PKD1L1: variants seen among roughly 807,000 people sequenced by gnomAD.
PKD1L1 encodes the protein polycystin 1 like 1, transient receptor potential channel interacting.
Under a neutral mutation model 323.4 loss-of-function variants are expected in PKD1L1, and 236 were observed. The observed-to-expected ratio is 0.73, with a 90% CI of 0.66 to 0.81. The LOEUF is 0.81. Among genes scored for constraint, PKD1L1 ranks in the 40% least tolerant of loss-of-function variants. The probability of loss-of-function intolerance (pLI) is 0.00; values close to 1 mark genes in which losing one functional copy is unlikely to be tolerated. For synonymous variants in PKD1L1, 1,344 were observed against 1,335.0 expected, an observed-to-expected ratio of 1.01 and a Z score of -0.15; for missense variants, 3,320 against 3,508.0, an observed-to-expected ratio of 0.95 and a Z score of 1.35.
At chr7:47,777,037 A>T (rs960335405) in intron 56 of PKD1L1, among the ~76,000 whole-genome samples, 1 of 152,104 alleles carries the variant, frequency 6.6e-6, no homozygotes, top group African/African-American at 2.4e-5. Flanking sequence ...GATTACAAGC[A>T]TGCGCCACCA....
the PKD1L1 span, among the ~76,000 whole-genome samples, chr7:47,955,549 T>G: frequency 6.6e-6 from 1 of 152,268 alleles, no homozygotes; most frequent in Non-Finnish European, 1.5e-5. Context: ...TTTTTAACTA[T>G]AAGTCATACA....
At chr7:47,819,659 A>C in intron 46 of PKD1L1, 1 of 1,096,186 alleles carries the variant, frequency 9.1e-7, no homozygotes, top group Non-Finnish European at 1.2e-6. Flanking sequence ...AAAAAACAAA[A>C]CAACTTGGAT....
chr7:47,906,402 C>G (rs998762015), intron 9 of PKD1L1, among the ~76,000 whole-genome samples: 10 of 152,120 alleles, frequency 6.6e-5, no homozygotes, highest in African/African-American at 2.4e-4. Context: ...TGTACACACA[C>G]CATACACATA....
intron 17 of PKD1L1, among the ~76,000 whole-genome samples, chr7:47,886,571 T>C (rs1786690051): frequency 6.6e-6 from 1 of 152,160 alleles, no homozygotes; most frequent in South Asian, 2.1e-4. Flanking sequence ...CCCTCCTCGC[T>C]GTAATGAGTG....
At chr7:47,943,936 C>A (rs1167352760) in intron 1 of PKD1L1, among the ~76,000 whole-genome samples, 1 of 152,176 alleles carries the variant, frequency 6.6e-6, no homozygotes, top group Non-Finnish European at 1.5e-5. Flanking sequence ...TCTTCCAGCC[C>A]ATGGGGATCT....
chr7:47,920,919 G>C (rs1787521609), intron 7 of PKD1L1, among the ~76,000 whole-genome samples: 1 of 152,110 alleles, frequency 6.6e-6, no homozygotes, highest in African/African-American at 2.4e-5. Flanking sequence ...TTAAATCTAA[G>C]ACCTGAAACT....
At chr7:47,893,525 G>A (rs1280740418) in intron 15 of PKD1L1, among the ~76,000 whole-genome samples, 1 of 152,104 alleles carries the variant, frequency 6.6e-6, no homozygotes, top group Non-Finnish European at 1.5e-5. Context: ...TGAACTGGGG[G>A]CAGCCTCCAG....
intron 8 of PKD1L1, among the ~76,000 whole-genome samples, chr7:47,909,309 C>G (rs559309500): frequency 2.5e-4 from 38 of 152,270 alleles, no homozygotes; most frequent in African/African-American, 8.9e-4. Flanking sequence ...TGAGCTGGTT[C>G]CCATCACTCA....
intron 8 of PKD1L1, among the ~76,000 whole-genome samples, chr7:47,911,166 G>T (rs1264488989): frequency 6.6e-6 from 1 of 152,140 alleles, no homozygotes; most frequent in African/African-American, 2.4e-5. Flanking sequence ...TCCTTTGGTG[G>T]TGTCCTTGCG....
At chr7:47,853,546 C>T (rs1451389582) in intron 30 of PKD1L1, among the ~76,000 whole-genome samples, 2 of 151,988 alleles carry the variant, frequency 1.3e-5, no homozygotes, top group East Asian at 3.9e-4. Context: ...AGTTTGAGAC[C>T]AGCCTGACCA....
rs1437761589 is a variant in PKD1L1 at position 47,936,754 on chromosome 7, G to A, written c.398+92C>T. The A allele has an allele frequency of 4.1e-6, 4 of 982,556 alleles. No homozygotes were observed. The East Asian group carries it at 9.7e-5, about 24-fold the overall frequency. 60.9% of individuals were successfully genotyped at this position (982,556 alleles called of 1,614,324 possible). A position where few individuals can be genotyped will look rare whatever the true frequency, so the allele number is the denominator to read the frequency against. ...CCACCCTCGGGCCATGTAGGAACAAGCATCGACTTTCACATCTGAGCAATT... is the reference window on the plus strand; with the variant it reads ...CCACCCTCGGGCCATGTAGGAACAAACATCGACTTTCACATCTGAGCAATT... On this transcript the variant is annotated intron_variant, in intron 4 of 56. Transcript: ENST00000289672.
intron 10 of PKD1L1, 112 bp from the exon 11 acceptor site, chr7:47,905,437 G>A: frequency 8.2e-7 from 1 of 1,221,496 alleles, no homozygotes; most frequent in East Asian, 2.3e-5. Flanking sequence ...TGATGGTGAG[G>A]AAGCTCTGAT....
At chr7:47,957,863 A>ATATATATATATATG in the PKD1L1 span, among the ~76,000 whole-genome samples, 4 of 133,768 alleles carry the variant, frequency 3.0e-5, no homozygotes, top group Non-Finnish European at 6.7e-5. Context: ...TTAAAAAAAA[A>ATATATATATATATG]TATATATATA....
intron 4 of PKD1L1, among the ~76,000 whole-genome samples, chr7:47,934,163 G>C (rs1456915173): frequency 2.0e-5 from 3 of 152,236 alleles, no homozygotes. Context: ...GCATCAGCCT[G>C]TGTGCCCGCA....
intron 55 of PKD1L1, among the ~76,000 whole-genome samples, chr7:47,794,191 T>C (rs1787019216): frequency 6.6e-6 from 1 of 152,188 alleles, no homozygotes; most frequent in African/African-American, 2.4e-5. Context: ...AGCAGCCTAA[T>C]GTTAATCCCC....
chr7:47,909,083 T>C (rs1412269732), intron 8 of PKD1L1, among the ~76,000 whole-genome samples: 1 of 152,192 alleles, frequency 6.6e-6, no homozygotes, highest in Admixed American at 6.5e-5. Flanking sequence ...AGGTTATGTT[T>C]TAAGGCACTA....
chr7:47,923,493 C>A (rs1298247816), intron 7 of PKD1L1, among the ~76,000 whole-genome samples: 1 of 151,844 alleles, frequency 6.6e-6, no homozygotes. Context: ...GAAGAACTTA[C>A]TCATGTAACC....
chr7:47,940,329 A>C lies in PKD1L1; in HGVS notation c.161-12T>G. 3.1e-6 allele frequency: 5 copies of C among 1,605,356 alleles called. No homozygotes were observed. The highest frequency in any genetic ancestry group is 2.6e-6 in the Non-Finnish European group (3 of 1,176,028). On this transcript the variant is annotated splice_polypyrimidine_tract_variant and intron_variant, in intron 2 of 56. Coordinates refer to ENST00000289672, the MANE Select transcript of PKD1L1 (RefSeq NM_138295.5). ...ATTAGCATAGACCTCTAGAGAAAAA[A>C]AAAAAAGCAAACATTCTGAAGACTG...
intron 7 of PKD1L1, among the ~76,000 whole-genome samples, chr7:47,927,224 T>C (rs1168347760): frequency 2.7e-5 from 4 of 150,916 alleles, no homozygotes; most frequent in Admixed American, 1.3e-4. Flanking sequence ...AAAAAAAAAC[T>C]ATAAGTAAAA....
Sources: allele counts gnomAD v4.1 joint callset (sites outside exome capture counted in the v4.1 genomes callset), GRCh38; gene constraint gnomAD v4.1.1; transcripts MANE v1.5; gene names NCBI Gene and HGNC (gene_info 2026-07-23, HGNC 2026-07-21).